The following COL19A1 variants were observed in gnomAD, a reference collection of about 807,000 sequenced individuals.
The protein encoded by COL19A1 is collagen type XIX alpha 1 chain.
Under a neutral mutation model 190.2 loss-of-function variants are expected in COL19A1, and 159 were observed. The ratio of observed to expected loss-of-function variants is 0.84; its 90% CI spans 0.73 to 0.95. COL19A1 has a LOEUF of 0.95. COL19A1 is among the 40% of genes least tolerant of loss of function. The pLI is 0.00. For synonymous variants in COL19A1, 509 were observed against 458.9 expected (o/e 1.11, Z -1.39); for missense variants, 1,418 against 1,431.9 (o/e 0.99, Z 0.16).
intron 16 of COL19A1, among the ~76,000 whole-genome samples, chr6:70,115,495 C>A (rs1301711128): frequency 6.6e-6 from 1 of 152,086 alleles, no homozygotes; most frequent in Non-Finnish European, 1.5e-5. Flanking sequence ...TTATATCTCC[C>A]AGGAACATTT....
intron 44 of COL19A1, among the ~76,000 whole-genome samples, chr6:70,183,879 C>T (rs951817614): frequency 2.0e-5 from 3 of 152,186 alleles, no homozygotes; most frequent in African/African-American, 7.2e-5. Context: ...CCTTGATCTT[C>T]CTCTTCAAAT....
At position 70,210,569 on chromosome 6, in the gene COL19A1, T is replaced by C. The variant is rs890125426; in HGVS notation, c.*3295T>C. Among the ~76,000 whole-genome samples, 1 of 152,222 alleles carries C rather than the reference T, an allele frequency of 6.6e-6. No homozygotes were observed. Among genetic ancestry groups the C allele is most frequent in the Non-Finnish European group, 1.5e-5 (1 of 68,018 alleles). ...GAAAATTATCATTTGATATTTGGCT[T>C]ATAAAGTAATTTTTATGAATCTGTT... On this transcript the variant is annotated 3_prime_UTR_variant, in exon 51 of 51. Coordinates refer to ENST00000620364, the MANE Select transcript of COL19A1 (RefSeq NM_001858.6).
At chr6:69,972,650 C>T (rs1775497687) in intron 11 of COL19A1, among the ~76,000 whole-genome samples, 1 of 145,752 alleles carries the variant, frequency 6.9e-6, no homozygotes, top group Non-Finnish European at 1.5e-5. Flanking sequence ...ACATGTATGG[C>T]CCTTAGAATT....
chr6:70,109,401 G>A (rs904375815), intron 16 of COL19A1, among the ~76,000 whole-genome samples: 3 of 152,050 alleles, frequency 2.0e-5, no homozygotes, highest in African/African-American at 7.2e-5. Flanking sequence ...AAGGAGCTAA[G>A]AAAAGAATAG....
rs966463254 is a variant in COL19A1, at chr6:70,151,262, A to G, written c.2038-135A>G. ...TTTCTTTATACGAAACATAATGTTAAGCCAGTGATTCTAAAGTGAGACACC... is the reference window on the plus strand; with the variant it reads ...TTTCTTTATACGAAACATAATGTTAGGCCAGTGATTCTAAAGTGAGACACC... On this transcript the variant is annotated intron_variant, in intron 30 of 50. Transcript: ENST00000620364. The G allele has an allele frequency of 3.2e-5, 24 of 743,266 alleles. 1 individual carries two copies. The Admixed American group carries it at 6.1e-4, about 19-fold the overall frequency. The allele number at this position is 743,266 out of a possible 1,614,324, so 46.0% of individuals were successfully genotyped here.
intron 12 of COL19A1, among the ~76,000 whole-genome samples, chr6:70,025,420 C>T (rs903364523): frequency 1.3e-5 from 2 of 152,150 alleles, no homozygotes; most frequent in Admixed American, 6.5e-5. Context: ...AAAAGTCTGA[C>T]GAGGCCTGAA....
intron 11 of COL19A1, among the ~76,000 whole-genome samples, chr6:70,004,399 C>T (rs1777481636): frequency 6.6e-6 from 1 of 152,128 alleles, no homozygotes; most frequent in Non-Finnish European, 1.5e-5. Flanking sequence ...TCTGTATTTC[C>T]TGAATCTGCA....
intron 40 of COL19A1, among the ~76,000 whole-genome samples, chr6:70,171,058 C>T (rs1417485908): frequency 6.6e-6 from 1 of 152,166 alleles, no homozygotes; most frequent in African/African-American, 2.4e-5. Context: ...CAAGCTTGTC[C>T]AACCCATGGC....
rs9454990 is a variant in COL19A1, at chr6:70,144,793, G to T, written c.1681-125G>T. ...TGAGTGAGTTGGTGAGTGAGTGAGT[G>T]AGTGAGTGAATGAATGAAGTTTGAC... On this transcript the variant is annotated intron_variant, in intron 24 of 50. Transcript: ENST00000620364. 1,834 of 681,910 alleles carry T rather than the reference G, an allele frequency of 2.7e-3. 24 individuals carry two copies. The African/African-American group carries it at 0.027, about 10-fold the overall frequency. 42.2% of individuals were successfully genotyped at this position (681,910 alleles called of 1,614,324 possible).
chr6:69,979,024 A>T (rs74470567), intron 11 of COL19A1, among the ~76,000 whole-genome samples: 2,490 of 152,024 alleles, frequency 0.016, 69 homozygotes, highest in African/African-American at 0.056. Context: ...AAAATTGACC[A>T]AGAATAACTG....
chr6:70,075,909 T>C (rs1039292550), intron 15 of COL19A1, among the ~76,000 whole-genome samples: 5 of 152,222 alleles, frequency 3.3e-5, no homozygotes, highest in African/African-American at 1.2e-4. Flanking sequence ...TGTAACAAAA[T>C]AACATAATAA....
chr6:70,206,023 C>A (rs1203589143), intron 49 of COL19A1, among the ~76,000 whole-genome samples: 5 of 152,174 alleles, frequency 3.3e-5, no homozygotes, highest in African/African-American at 1.2e-4. Context: ...TATAGTTGAT[C>A]ATTTGAACAC....
intron 18 of COL19A1, among the ~76,000 whole-genome samples, chr6:70,135,082 C>G (rs567255269): frequency 6.6e-6 from 1 of 152,150 alleles, no homozygotes; most frequent in Admixed American, 6.5e-5. Flanking sequence ...TATTTACTTA[C>G]GCTCACCAGT....
intron 16 of COL19A1, among the ~76,000 whole-genome samples, chr6:70,110,213 T>C (rs1784208540): frequency 1.3e-5 from 2 of 152,188 alleles, no homozygotes; most frequent in Admixed American, 1.3e-4. Context: ...TACATGCATT[T>C]TGAAGCTCAT....
intron 9 of COL19A1, among the ~76,000 whole-genome samples, chr6:69,941,011 A>G (rs1345586370): frequency 6.6e-6 from 1 of 152,198 alleles, no homozygotes; most frequent in Non-Finnish European, 1.5e-5. Context: ...AATAATGCCT[A>G]CATAACTTGA....
At chr6:69,877,980 T>C (rs1409565736) in intron 1 of COL19A1, among the ~76,000 whole-genome samples, 1 of 151,854 alleles carries the variant, frequency 6.6e-6, no homozygotes, top group Non-Finnish European at 1.5e-5. Flanking sequence ...CACTGCACTC[T>C]AGCCTGGGCT....
chr6:69,922,668 A>G (rs1772067416), intron 4 of COL19A1, among the ~76,000 whole-genome samples: 1 of 151,976 alleles, frequency 6.6e-6, no homozygotes, highest in Non-Finnish European at 1.5e-5. Context: ...TTTAGTAGAA[A>G]TGGGGTTTCA....
chr6:69,884,192 G>C (rs1276638940), intron 2 of COL19A1, among the ~76,000 whole-genome samples: 1 of 152,026 alleles, frequency 6.6e-6, no homozygotes, highest in Non-Finnish European at 1.5e-5. Flanking sequence ...AAAATTAGCT[G>C]TGCGTGGTGG....
intron 16 of COL19A1, among the ~76,000 whole-genome samples, chr6:70,117,474 G>A (rs930653586): frequency 1.3e-5 from 2 of 152,182 alleles, no homozygotes; most frequent in Admixed American, 1.3e-4. Context: ...CCTCCAGCAA[G>A]ATTTAAGCCA....
Sources: allele counts gnomAD v4.1 joint callset (sites outside exome capture counted in the v4.1 genomes callset), GRCh38; gene constraint gnomAD v4.1.1; transcripts MANE v1.5; gene names NCBI Gene and HGNC (gene_info 2026-07-23, HGNC 2026-07-21).